The following LEF1 variants were observed in gnomAD, a reference collection of about 807,000 sequenced individuals.
LEF1 encodes the protein lymphoid enhancer-binding factor 1.
LEF1 carries 14 observed loss-of-function variants against 51.2 expected under a neutral mutation model. The observed-to-expected ratio is 0.27, with a 90% confidence interval of 0.18 to 0.43. The LOEUF is 0.43. LEF1 is among the 20% of genes least tolerant of loss of function. The pLI is 1.00. For missense variants in LEF1, 386 were observed against 512.0 expected (o/e 0.75, Z 2.37); for synonymous variants, 185 against 183.2 (o/e 1.01, Z -0.08).
chr4:108,063,791 T>C (rs1391401326), intron 10 of LEF1, 128 bp from the exon 11 acceptor site: 2 of 658,128 alleles, frequency 3.0e-6, no homozygotes, highest in Admixed American at 6.2e-5. Flanking sequence ...CAGCCATTTT[T>C]ATTTGTGCAG....
In LEF1 at chr4:108,168,488, G is replaced by C. The variant is rs1197179082; in HGVS notation, c.-721C>G. 6.6e-6 allele frequency: 1 copy of C among 152,356 alleles called. No homozygotes were observed. The highest frequency in any genetic ancestry group is 6.5e-5 in the Admixed American group (1 of 15,294). 9.4% of individuals were successfully genotyped at this position (152,356 alleles called of 1,614,324 possible). The stretch of plus-strand genomic sequence containing the variant: ...CTCATTTAATCTGCTAGAGAAGGAG[G>C]AGGAGCAGAAGATGGGGGCCGAGGA... On this transcript the variant is annotated 5_prime_UTR_variant, in exon 1 of 12. Coordinates refer to ENST00000265165, the MANE Select transcript of LEF1 (RefSeq NM_016269.5). This position sits in a 1 kb window ranked among gnomAD's most constrained non-coding sequence, Gnocchi z 4.6.
At chr4:108,083,467 G>A (rs1283713947) in intron 4 of LEF1, 21 bp from the exon 5 acceptor site, 5 of 1,492,336 alleles carry the variant, frequency 3.4e-6, no homozygotes, top group African/African-American at 1.4e-5. Flanking sequence ...GAACAGAGAG[G>A]TATCATTTAC....
chr4:108,081,975 T>C (rs1251953052), intron 5 of LEF1, among the ~76,000 whole-genome samples: 1 of 152,234 alleles, frequency 6.6e-6, no homozygotes. Flanking sequence ...AGCACTTAAA[T>C]GTTTATTGAA....
At chr4:108,088,590 T>C (rs1739801640) in intron 4 of LEF1, among the ~76,000 whole-genome samples, 1 of 152,244 alleles carries the variant, frequency 6.6e-6, no homozygotes, top group Admixed American at 6.5e-5. Flanking sequence ...CAAATATTAA[T>C]GCAGAGGCGT....
chr4:108,071,568 A>G (rs1297908291), intron 8 of LEF1: 1 of 152,242 alleles, frequency 6.6e-6, no homozygotes, highest in African/African-American at 2.4e-5. Context: ...TATAGCACAT[A>G]TAACAAAGTC....
intron 9 of LEF1, among the ~76,000 whole-genome samples, chr4:108,069,707 A>G (rs1738323680): frequency 6.6e-6 from 1 of 152,202 alleles, no homozygotes; most frequent in South Asian, 2.1e-4. Flanking sequence ...CTGTAATCCC[A>G]GCACTTTGGG....
chr4:108,168,792 C>T lies in LEF1; in HGVS notation c.-1025G>A, dbSNP rs1052150383. Reference sequence around the variant, plus strand: ...GCTGCGCCCCTTGAGTTCGCCCGGCCGAGGGGAGGGGACGCCCCGAGCTTG... The same window carrying T: ...GCTGCGCCCCTTGAGTTCGCCCGGCTGAGGGGAGGGGACGCCCCGAGCTTG... On this transcript the variant is annotated 5_prime_UTR_variant, in exon 1 of 12. Transcript: ENST00000265165. This position sits in a 1 kb window ranked among gnomAD's most constrained non-coding sequence, Gnocchi z 4.6. 1 of 152,226 alleles carries T rather than the reference C, an allele frequency of 6.6e-6. No individual in the cohort carries two copies. Among genetic ancestry groups the T allele is most frequent in the African/African-American group, 2.4e-5 (1 of 41,464 alleles). The allele number at this position is 152,226 out of a possible 1,614,324, so 9.4% of individuals were successfully genotyped here. A position where few individuals can be genotyped will look rare whatever the true frequency, so the allele number is the denominator to read the frequency against.
chr4:108,135,655 A>C (rs577759409), intron 3 of LEF1, among the ~76,000 whole-genome samples: 4 of 152,208 alleles, frequency 2.6e-5, no homozygotes, highest in African/African-American at 9.6e-5. Flanking sequence ...GTCTATGGAG[A>C]GCCTCTAGCA....
chr4:108,137,457 A>AT (rs1743371599), intron 3 of LEF1, among the ~76,000 whole-genome samples: 2 of 152,322 alleles, frequency 1.3e-5, no homozygotes, highest in South Asian at 4.1e-4. Flanking sequence ...TACAACTTAG[A>AT]TTTTTCAATG....
At chr4:108,153,640 A>G (rs1260752913) in intron 3 of LEF1, among the ~76,000 whole-genome samples, 2 of 152,346 alleles carry the variant, frequency 1.3e-5, no homozygotes, top group Non-Finnish European at 1.5e-5. Flanking sequence ...AAAAAGGTGC[A>G]TTGCCTTTGA....
chr4:108,100,101 A>G (rs1321881706), intron 3 of LEF1, among the ~76,000 whole-genome samples: 1 of 152,208 alleles, frequency 6.6e-6, no homozygotes, highest in East Asian at 1.9e-4. Context: ...GGATATATTT[A>G]TATGAGTCAA....
rs145938972 is a variant in LEF1 at position 108,083,163 on chromosome 4, G to A, written c.638+193C>T. ...TCATTTTCTACCCATATTAGCAAAC[G>A]GATCAATCCATTTCAAAGTCTGTAT... On this transcript the variant is annotated intron_variant, in intron 5 of 11. Transcript: ENST00000265165. 1.4e-3 allele frequency: 830 copies of A among 582,388 alleles called. 4 individuals carry two copies. Among genetic ancestry groups the A allele is most frequent in the African/African-American group, 0.013 (713 of 52,918 alleles). The allele number at this position is 582,388 out of a possible 1,614,324, so 36.1% of individuals were successfully genotyped here.
chr4:108,086,575 G>A (rs1414287897), intron 4 of LEF1, among the ~76,000 whole-genome samples: 2 of 152,142 alleles, frequency 1.3e-5, no homozygotes, highest in Admixed American at 6.5e-5. Context: ...AGGAAGTTAT[G>A]TAATTGCTAC....
At chr4:108,116,829 G>C (rs1046050335) in intron 3 of LEF1, among the ~76,000 whole-genome samples, 5 of 152,198 alleles carry the variant, frequency 3.3e-5, no homozygotes, top group Admixed American at 3.3e-4. Flanking sequence ...ATCTGCTTCA[G>C]CAAGTTGTGG....
chr4:108,128,140 T>C (rs1213043362), intron 3 of LEF1, among the ~76,000 whole-genome samples: 2 of 152,188 alleles, frequency 1.3e-5, no homozygotes, highest in Admixed American at 6.5e-5. Flanking sequence ...CAGGAGAGAA[T>C]GGCAGAGTCT....
chr4:108,099,576 A>ATATATGTGTGTGTG (rs1740647073), intron 3 of LEF1, among the ~76,000 whole-genome samples: 1 of 39,550 alleles, frequency 2.5e-5, no homozygotes, highest in East Asian at 5.5e-4. Context: ...GTGTGTATAT[A>ATATATGTGTGTGTG]TATATATATA....
At chr4:108,067,056 T>A (rs1296908833) in intron 9 of LEF1, among the ~76,000 whole-genome samples, 2 of 152,248 alleles carry the variant, frequency 1.3e-5, no homozygotes, top group Non-Finnish European at 2.9e-5. Flanking sequence ...TACAGTACTG[T>A]TATTTAAAGA....
At position 108,167,482 on chromosome 4, in the gene LEF1, G is replaced by A. The variant is rs1379533892; in HGVS notation, c.213+73C>T. The A allele has an allele frequency of 2.0e-6, 3 of 1,529,228 alleles. No homozygotes were observed. Among genetic ancestry groups the A allele is most frequent in the Admixed American group, 3.5e-5 (2 of 57,364 alleles). The allele number at this position is 1,529,228 out of a possible 1,614,324, so 94.7% of individuals were successfully genotyped here. A position where few individuals can be genotyped will look rare whatever the true frequency, so the allele number is the denominator to read the frequency against. ...CTCAGCCGGGCGGCCGGGCGCCTTC[G>A]TTCCCTTCCTCCCTCTCTGAGTTTC... On this transcript the variant is annotated intron_variant, in intron 1 of 11. Coordinates refer to ENST00000265165, the MANE Select transcript of LEF1 (RefSeq NM_016269.5). This position sits in a 1 kb window ranked among gnomAD's most constrained non-coding sequence, Gnocchi z 5.7.
chr4:108,151,749 C>G (rs1450293410), intron 3 of LEF1, among the ~76,000 whole-genome samples: 1 of 152,180 alleles, frequency 6.6e-6, no homozygotes, highest in East Asian at 1.9e-4. Context: ...AAACTAATAA[C>G]TAACGTCTAG....
Sources: allele counts gnomAD v4.1 joint callset (sites outside exome capture counted in the v4.1 genomes callset), GRCh38; gene constraint gnomAD v4.1.1; non-coding constraint Gnocchi (gnomAD v3.1); transcripts MANE v1.5; gene names NCBI Gene and HGNC (gene_info 2026-07-23, HGNC 2026-07-21).